PLXND1: variants seen among roughly 807,000 people sequenced by gnomAD.
The protein encoded by PLXND1 is plexin-D1.
In PLXND1, 54 loss-of-function variants were observed where a neutral mutation model predicts 197.7. The ratio of observed to expected loss-of-function variants is 0.27; its 90% CI spans 0.22 to 0.34. The LOEUF (loss-of-function observed/expected upper bound fraction) is 0.34, where lower values mean the gene tolerates loss of function less well. PLXND1 is among the 10% of genes least tolerant of loss of function. The pLI, the probability that PLXND1 is intolerant of heterozygous loss-of-function variation, is 1.00. For synonymous variants in PLXND1, 1,180 were observed against 1,161.2 expected, an observed-to-expected ratio of 1.02 and a Z score of -0.33; for missense variants, 2,127 against 2,699.2, an observed-to-expected ratio of 0.79 and a Z score of 4.70.
Position 129,560,764 on chromosome 3 carries a change from G to A in PLXND1, c.4994-41C>T, listed in dbSNP as rs1470924641. ...CACAATAAATAAACACGGGAGAGGA[G>A]AGGAGAGAAACAGAAATGAAGACAG... is the stretch of plus-strand genomic sequence containing the variant. On this transcript the variant is annotated intron_variant, in intron 29 of 35. Transcript: ENST00000324093. The A allele has an allele frequency of 4.2e-6, 5 of 1,197,558 alleles. No homozygotes were observed. The Admixed American group carries it at 5.1e-5, about 12-fold the overall frequency. The allele number at this position is 1,197,558 out of a possible 1,614,324, so 74.2% of individuals were successfully genotyped here.
At chr3:129,572,007 CT>C in intron 15 of PLXND1, 163 bp from the exon 16 acceptor site, 1 of 673,908 alleles carries the variant, frequency 1.5e-6, no homozygotes, top group Non-Finnish European at 2.5e-6. Flanking sequence ...CAGCTGTTTC[CT>C]TACACTTCCA....
rs570032605 is a variant in PLXND1, at chr3:129,558,965, C to A, written c.5298-390G>T. 1.1e-4 allele frequency among the ~76,000 whole-genome samples: 16 copies of A among 152,226 alleles called. No homozygotes were observed. Among genetic ancestry groups the A allele is most frequent in the African/African-American group, 3.9e-4 (16 of 41,542 alleles). On this transcript the variant is annotated intron_variant, in intron 32 of 35. Transcript: ENST00000324093. The surrounding 1 kb of genome is among the most constrained non-coding windows in gnomAD (Gnocchi z 4.1). ...GTGGCAGGGCTGTGGGGGGCAGGGC[C>A]TGGAGCTCTGGCCTTGTCCTCAAGA...
chr3:129,589,195 A>C (rs1171333296), intron 2 of PLXND1, among the ~76,000 whole-genome samples, 156 bp downstream of exon 2: 1 of 152,224 alleles, frequency 6.6e-6, no homozygotes, highest in Non-Finnish European at 1.5e-5. Context: ...ACAGACTTGC[A>C]AAATACTTTG....
At position 129,589,389 on chromosome 3, in the gene PLXND1, C is replaced by A; in HGVS notation, c.1450G>T (p.Ala484Ser). 1 of 1,611,656 alleles carries A rather than the reference C, an allele frequency of 6.2e-7. No individual in the cohort carries two copies. The highest frequency in any genetic ancestry group is 8.5e-7 in the Non-Finnish European group (1 of 1,179,546). ...VAVASVNNYT[A>S]VFLGTVNGRL... ...CCGTTGACCGTGCCCAGGAAGACCG[C>A]TGTGTAGTTGTTGACGCTGGCCACG... Residue 484 changes from alanine to serine, a missense_variant, in exon 2 of 36, where the codon GCG (alanine) becomes TCG (serine). This residue lies in a region of PLXND1 where 1,095 missense variants were observed against 1,259.8 expected (regional missense o/e 0.87). Transcript: ENST00000324093.
Position 129,572,901 on chromosome 3 carries a change from C to T in PLXND1, c.2878G>A (p.Gly960Ser), listed in dbSNP as rs1162854718. 1 of 1,613,876 alleles carries T rather than the reference C, an allele frequency of 6.2e-7. No individual in the cohort carries two copies. Among genetic ancestry groups the T allele is most frequent in the East Asian group, 2.2e-5 (1 of 44,888 alleles). Residue 960 changes from glycine (G) to serine (S), a missense_variant, in exon 14 of 36, where the codon GGT (glycine) becomes AGT (serine). By Grantham distance (56) the Gly-to-Ser change is moderately conservative. Coordinates refer to ENST00000324093, the MANE Select transcript of PLXND1 (RefSeq NM_015103.3). ...TTAGAGGCGTTCACGGTCACCACAC[C>T]TGAGAGTGGTCCTGGGGCTGGCCCT... is the stretch of plus-strand genomic sequence containing the variant. ...VTGPAPGPLS[G>S]VVTVNASKEG...
At position 129,560,702 on chromosome 3, in the gene PLXND1, T is replaced by A; in HGVS notation, c.5015A>T (p.Lys1672Met). The A allele has an allele frequency of 6.2e-7, 1 of 1,604,078 alleles. No homozygotes were observed. The highest frequency in any genetic ancestry group is 8.5e-7 in the Non-Finnish European group (1 of 1,170,986). The part of the protein sequence containing the change: ...LGRVKDLDTE[K>M]YFHLVLPTDE... ...TTGGGCACTCACCAAATGGAAATACTTCTCTGTGTCCAAGTCTTTCACTGT... is the reference window on the plus strand; with the variant it reads ...TTGGGCACTCACCAAATGGAAATACATCTCTGTGTCCAAGTCTTTCACTGT... Residue 1672 changes from lysine (K) to methionine (M), a missense_variant, in exon 30 of 36, where the codon AAG becomes ATG. By Grantham distance (95) the Lys-to-Met change is moderately conservative. Around this residue, in one of 6 missense-constraint regions of PLXND1, gnomAD observed 53 missense variants for 41.4 expected, o/e 1.28. Transcript: ENST00000324093.
rs1348361844 is a variant in PLXND1 at position 129,557,463 on chromosome 3, G to A, written c.5446-240C>T. The stretch of plus-strand genomic sequence containing the variant: ...CAGGACTGTTAGGACAATGATGTGG[G>A]TGGGGAGGGGCCCTACTTCTTTCAG... On this transcript the variant is annotated intron_variant, in intron 33 of 35. Coordinates refer to ENST00000324093, the MANE Select transcript of PLXND1 (RefSeq NM_015103.3). This position sits in a 1 kb window ranked among gnomAD's most constrained non-coding sequence, Gnocchi z 4.8. 7.0e-6 allele frequency among the ~76,000 whole-genome samples: 1 copy of A among 142,548 alleles called. No individual in the cohort carries two copies. The highest frequency in any genetic ancestry group is 3.0e-5 in the African/African-American group (1 of 33,626). The allele number at this position is 142,548 out of a possible 152,430, so 93.5% of individuals were successfully genotyped here.
At chr3:129,602,038 G>C (rs2085716070) in intron 1 of PLXND1, among the ~76,000 whole-genome samples, 1 of 152,214 alleles carries the variant, frequency 6.6e-6, no homozygotes, top group South Asian at 2.1e-4. Flanking sequence ...CTTCTCACCA[G>C]CTACCTAGGG....
chr3:129,587,808 C>G (rs1165961405), intron 2 of PLXND1, among the ~76,000 whole-genome samples: 1 of 152,266 alleles, frequency 6.6e-6, no homozygotes, highest in African/African-American at 2.4e-5. Flanking sequence ...ATATTCCTTC[C>G]TGTTCCCCTT....
chr3:129,587,826 T>C (rs1006917314), intron 2 of PLXND1, among the ~76,000 whole-genome samples: 1 of 152,242 alleles, frequency 6.6e-6, no homozygotes, highest in Non-Finnish European at 1.5e-5. Context: ...CTTCTACCAA[T>C]GCACACATGA....
At position 129,570,825 on chromosome 3, in the gene PLXND1, G is replaced by A. The variant is rs373964333; in HGVS notation, c.3711C>T (p.Asn1237=). 26 of 1,614,202 alleles carry A rather than the reference G, an allele frequency of 1.6e-5. No homozygotes were observed. The highest frequency in any genetic ancestry group is 1.6e-4 in the East Asian group (7 of 44,886). ...VSDRIIHCSV[N]ESLGAAVGQL... Reference sequence around the variant, plus strand: ...GCCCCACGGCCGCGCCCAGGGACTCGTTGACCGAGCAGTGGATGATTCTGT... The same window carrying A: ...GCCCCACGGCCGCGCCCAGGGACTCATTGACCGAGCAGTGGATGATTCTGT... The change falls in exon 19 of 36, where the codon AAC becomes AAT. Residue 1237 remains asparagine (N), a synonymous_variant. Coordinates refer to ENST00000324093, the MANE Select transcript of PLXND1 (RefSeq NM_015103.3).
chr3:129,598,541 G>A (rs1194653660), intron 1 of PLXND1, among the ~76,000 whole-genome samples: 1 of 152,124 alleles, frequency 6.6e-6, no homozygotes, highest in East Asian at 1.9e-4. Flanking sequence ...GGTAGCAGGA[G>A]TCCACACCAG....
At chr3:129,561,336 G>A (rs1286428876) in intron 29 of PLXND1, among the ~76,000 whole-genome samples, 1 of 152,194 alleles carries the variant, frequency 6.6e-6, no homozygotes, top group Non-Finnish European at 1.5e-5. Flanking sequence ...GCAGGGACAT[G>A]GCCCAAGGCT....
chr3:129,561,059 G>A (rs187387485), intron 29 of PLXND1: 21 of 498,468 alleles, frequency 4.2e-5, no homozygotes, highest in African/African-American at 3.9e-5. Context: ...GGAGGGACTT[G>A]GAAGGAGGGA....
chr3:129,603,081 G>T (rs6790957), intron 1 of PLXND1, among the ~76,000 whole-genome samples: 267 of 152,344 alleles, frequency 1.8e-3, no homozygotes, highest in African/African-American at 5.9e-3. Context: ...GGCCCAGACC[G>T]GGGACCTTGA....
At chr3:129,604,117 G>T (rs191713247) in intron 1 of PLXND1, among the ~76,000 whole-genome samples, 1 of 152,096 alleles carries the variant, frequency 6.6e-6, no homozygotes, top group African/African-American at 2.4e-5. Context: ...TGCTGATTCC[G>T]TCAACCTGGC....
chr3:129,604,691 G>A (rs1218390630), intron 1 of PLXND1, among the ~76,000 whole-genome samples: 3 of 152,184 alleles, frequency 2.0e-5, no homozygotes, highest in Non-Finnish European at 4.4e-5. Context: ...TCAGAGTACC[G>A]ACTCATGCCC....
At position 129,557,372 on chromosome 3, in the gene PLXND1, C is replaced by T; in HGVS notation, c.5446-149G>A. On this transcript the variant is annotated intron_variant, in intron 33 of 35. Transcript: ENST00000324093. This position sits in a 1 kb window ranked among gnomAD's most constrained non-coding sequence, Gnocchi z 4.8. ...GAGTCTCACCCGGTCACTGAACGTC[C>T]CCGCACTCAGCCGGCCCCAGACCAG... 2 of 807,718 alleles carry T rather than the reference C, an allele frequency of 2.5e-6. No individual in the cohort carries two copies. Among genetic ancestry groups the T allele is most frequent in the East Asian group, 2.7e-5 (1 of 36,896 alleles). The allele number at this position is 807,718 out of a possible 1,614,324, so 50.0% of individuals were successfully genotyped here. A position where few individuals can be genotyped will look rare whatever the true frequency, so the allele number is the denominator to read the frequency against.
chr3:129,604,692 A>ACTCATGCCCAAATACCTGCGT (rs1354862141), intron 1 of PLXND1, among the ~76,000 whole-genome samples: 4 of 152,050 alleles, frequency 2.6e-5, no homozygotes, highest in African/African-American at 9.7e-5. Context: ...CAGAGTACCG[A>ACTCATGCCCAAATACCTGCGT]CTCATGCCCA....
Sources: gnomAD v4.1 joint callset for allele counts (sites outside exome capture counted in the v4.1 genomes callset) on GRCh38, gnomAD v4.1.1 for gene constraint, gnomAD v4.1.1 regional missense constraint, Gnocchi (gnomAD v3.1) non-coding constraint, MANE v1.5 for transcripts, NCBI Gene and HGNC (gene_info 2026-07-23, HGNC 2026-07-21) for gene names.